The following RAP1A variants were observed in gnomAD, a reference collection of about 807,000 sequenced individuals.
The protein encoded by RAP1A is RAP1A, member of RAS oncogene family.
Under a neutral mutation model 26.4 loss-of-function variants are expected in RAP1A, and 6 were observed. The observed-to-expected ratio is 0.23, with a 90% CI of 0.12 to 0.45. The LOEUF (loss-of-function observed/expected upper bound fraction) is 0.45. RAP1A is among the 20% of genes least tolerant of loss of function. The pLI is 0.99. For missense variants in RAP1A, 121 were observed against 217.2 expected, an observed-to-expected ratio of 0.56 and a Z score of 2.78; for synonymous variants, 73 against 79.4, an observed-to-expected ratio of 0.92 and a Z score of 0.43.
chr1:111,650,875 C>T (rs1050097837), intron 1 of RAP1A, among the ~76,000 whole-genome samples: 3 of 151,980 alleles, frequency 2.0e-5, no homozygotes, highest in Admixed American at 6.6e-5. Context: ...TGCAACGGCT[C>T]ACTGCAACCT....
chr1:111,622,618 C>A (rs149364650), intron 1 of RAP1A, among the ~76,000 whole-genome samples: 6 of 152,336 alleles, frequency 3.9e-5, no homozygotes, highest in African/African-American at 1.4e-4. Context: ...TGTTGACAAA[C>A]ATTCCATGGT....
intron 1 of RAP1A, among the ~76,000 whole-genome samples, chr1:111,596,034 A>C (rs9661153): frequency 0.14 from 20,625 of 152,228 alleles, 1,580 homozygotes; most frequent in African/African-American, 0.21. Context: ...CAACATTAGA[A>C]CATAGAGCTG....
chr1:111,698,253 T>G (rs1292481579), intron 4 of RAP1A, among the ~76,000 whole-genome samples: 1 of 152,156 alleles, frequency 6.6e-6, no homozygotes, highest in Non-Finnish European at 1.5e-5. Flanking sequence ...AGGCAATTCT[T>G]AGCTTTAAAA....
At chr1:111,688,928 G>A (rs1207472049) in intron 1 of RAP1A, among the ~76,000 whole-genome samples, 2 of 150,182 alleles carry the variant, frequency 1.3e-5, no homozygotes, top group African/African-American at 4.9e-5. Context: ...TCTGCCTTCC[G>A]AGCTCAAGGG....
intron 2 of RAP1A, among the ~76,000 whole-genome samples, chr1:111,692,142 A>G (rs181773190): frequency 3.5e-4 from 54 of 152,322 alleles, no homozygotes; most frequent in Admixed American, 1.1e-3. Flanking sequence ...GGTAGAACTG[A>G]CATAACTTGG....
At chr1:111,632,790 G>A (rs868831916) in intron 1 of RAP1A, among the ~76,000 whole-genome samples, 5 of 151,874 alleles carry the variant, frequency 3.3e-5, no homozygotes, top group South Asian at 4.1e-4. Flanking sequence ...GCGCGGTGGC[G>A]CATGCCTGTA....
At chr1:111,588,754 G>A in intron 1 of RAP1A, among the ~76,000 whole-genome samples, 1 of 152,094 alleles carries the variant, frequency 6.6e-6, no homozygotes, top group East Asian at 1.9e-4. Flanking sequence ...AGAGCAACTG[G>A]TGCATACCCC....
chr1:111,651,958 A>C (rs1283643680), intron 1 of RAP1A, among the ~76,000 whole-genome samples: 1 of 151,258 alleles, frequency 6.6e-6, no homozygotes, highest in Admixed American at 6.6e-5. Context: ...TTGTGCAAAA[A>C]GTTTAGTTCA....
intron 1 of RAP1A, among the ~76,000 whole-genome samples, chr1:111,577,400 G>A (rs1002842147): frequency 2.7e-4 from 6 of 21,994 alleles, no homozygotes; most frequent in African/African-American, 5.0e-4. Context: ...AGACTCCATC[G>A]CAAAAAAAAA....
chr1:111,640,236 A>T (rs1198841161), intron 1 of RAP1A, among the ~76,000 whole-genome samples: 1 of 152,198 alleles, frequency 6.6e-6, no homozygotes, highest in Non-Finnish European at 1.5e-5. Flanking sequence ...TGTAAGGAGG[A>T]TGTTTAACTT....
chr1:111,579,672 C>T (rs948944414), intron 1 of RAP1A, among the ~76,000 whole-genome samples: 10 of 152,116 alleles, frequency 6.6e-5, no homozygotes, highest in African/African-American at 2.4e-4. Context: ...CCTAACCTAC[C>T]GAACATCATA....
At chr1:111,624,041 T>C (rs1361043398) in intron 1 of RAP1A, among the ~76,000 whole-genome samples, 1 of 152,236 alleles carries the variant, frequency 6.6e-6, no homozygotes, top group African/African-American at 2.4e-5. Context: ...GCATTTATAT[T>C]TTAATATTGG....
chr1:111,611,086 A>G (rs1366273998), intron 1 of RAP1A, among the ~76,000 whole-genome samples: 2 of 152,238 alleles, frequency 1.3e-5, no homozygotes, highest in South Asian at 4.1e-4. Flanking sequence ...AATGATCTAC[A>G]CAGAGTGCAG....
intron 1 of RAP1A, chr1:111,648,564 C>T: frequency 3.6e-6 from 2 of 557,278 alleles, no homozygotes; most frequent in South Asian, 1.6e-5. Flanking sequence ...CAGCAGGATC[C>T]CGTTTAGCTG....
At chr1:111,688,808 GTTTTTTT>G (rs753016302) in intron 1 of RAP1A, among the ~76,000 whole-genome samples, 1 of 124,186 alleles carries the variant, frequency 8.1e-6, no homozygotes. Context: ...TTTTGTTTTT[GTTTTTTT>G]TTTTTTGTTT....
intron 1 of RAP1A, among the ~76,000 whole-genome samples, chr1:111,681,417 T>C (rs1039213039): frequency 6.6e-6 from 1 of 152,318 alleles, no homozygotes; most frequent in East Asian, 1.9e-4. Context: ...CTAAAGTGCA[T>C]GTTCTAACCC....
chr1:111,661,946 T>C (rs1660651637), intron 1 of RAP1A, among the ~76,000 whole-genome samples: 1 of 152,218 alleles, frequency 6.6e-6, no homozygotes, highest in Admixed American at 6.5e-5. Context: ...TTTTTTTGTG[T>C]ATTTCTTAGC....
At chr1:111,549,633 G>A in intron 1 of RAP1A, among the ~76,000 whole-genome samples, 1 of 147,096 alleles carries the variant, frequency 6.8e-6, no homozygotes, top group Non-Finnish European at 1.5e-5. Context: ...CTGGGCAACA[G>A]AGTGAGACTC....
At chr1:111,557,641 A>G (rs925643168) in intron 1 of RAP1A, among the ~76,000 whole-genome samples, 9 of 152,204 alleles carry the variant, frequency 5.9e-5, no homozygotes, top group Admixed American at 2.0e-4. Context: ...ATGAACTTCT[A>G]ATGAATACAT....
Sources: allele counts gnomAD v4.1 joint callset (sites outside exome capture counted in the v4.1 genomes callset), GRCh38; gene constraint gnomAD v4.1.1; transcripts MANE v1.5; gene names NCBI Gene and HGNC (gene_info 2026-07-23, HGNC 2026-07-21).